Variants in PKHD1 observed in about 807,000 individuals in gnomAD.
The protein encoded by PKHD1 is PKHD1 ciliary IPT domain containing fibrocystin/polyductin.
In PKHD1, 291 loss-of-function variants were observed where a neutral mutation model predicts 412.0. That is an observed-to-expected ratio of 0.71 (90% confidence interval 0.64 to 0.78). The LOEUF is 0.78. PKHD1 is among the 30% of genes least tolerant of loss of function. PKHD1 has a pLI of 0.00. For synonymous variants in PKHD1, 1,777 were observed against 1,821.5 expected (o/e 0.98, Z 0.62); for missense variants, 4,825 against 4,950.7 (o/e 0.97, Z 0.76).
intron 53 of PKHD1, among the ~76,000 whole-genome samples, chr6:51,777,057 C>A (rs925069805): frequency 5.9e-5 from 9 of 151,938 alleles, no homozygotes; most frequent in Non-Finnish European, 1.2e-4. Flanking sequence ...AATTATATTC[C>A]AAATCAGACA....
intron 43 of PKHD1, among the ~76,000 whole-genome samples, chr6:51,899,392 A>T (rs1215695911): frequency 2.0e-5 from 3 of 152,172 alleles, no homozygotes; most frequent in African/African-American, 7.2e-5. Context: ...AATCCAGCAT[A>T]TAAACAGAGC....
chr6:51,860,986 T>C (rs1380204948), intron 48 of PKHD1, among the ~76,000 whole-genome samples: 1 of 152,062 alleles, frequency 6.6e-6, no homozygotes, highest in Non-Finnish European at 1.5e-5. Flanking sequence ...TAATTTTTTA[T>C]ATTTTTAGTA....
intron 50 of PKHD1, among the ~76,000 whole-genome samples, 195 bp downstream of exon 50, chr6:51,847,580 G>A (rs1022010880): frequency 3.9e-5 from 6 of 152,154 alleles, no homozygotes; most frequent in Non-Finnish European, 7.3e-5. Flanking sequence ...GAGGCTCTGT[G>A]TATGCTAGCT....
rs75693811 is a variant in PKHD1, at chr6:51,779,038, T to C, written c.8441-3117A>G. ...TTGTGTGTAAAATCTTCTGTACCCC[T>C]TGCTAAAGTAATTCTACTTCAAGAA... is the stretch of plus-strand genomic sequence containing the variant. On this transcript the variant is annotated intron_variant, in intron 53 of 66. Coordinates refer to ENST00000371117, the MANE Select transcript of PKHD1 (RefSeq NM_138694.4). Among the ~76,000 whole-genome samples, 475 of 152,268 alleles carry C rather than the reference T, an allele frequency of 3.1e-3. 1 individual carries two copies. Among genetic ancestry groups the C allele is most frequent in the Non-Finnish European group, 5.7e-3 (390 of 68,014 alleles).
Position 51,618,547 on chromosome 6 carries a change from C to A in PKHD1, c.*534G>T. 1 of 168,230 alleles carries A rather than the reference C, an allele frequency of 5.9e-6. No individual in the cohort carries two copies. The highest frequency in any genetic ancestry group is 1.5e-4 in the East Asian group (1 of 6,460). 10.4% of individuals were successfully genotyped at this position (168,230 alleles called of 1,614,324 possible). A position where few individuals can be genotyped will look rare whatever the true frequency, so the allele number is the denominator to read the frequency against. On this transcript the variant is annotated 3_prime_UTR_variant, in exon 67 of 67. Coordinates refer to ENST00000371117, the MANE Select transcript of PKHD1 (RefSeq NM_138694.4). The stretch of plus-strand genomic sequence containing the variant: ...GAAATAAAATCCACTTGTAAAAAGC[C>A]AGGAAGTTGCCTTGTGGTTGGAAGG...
At chr6:51,908,909 G>A (rs1469982907) in intron 40 of PKHD1, among the ~76,000 whole-genome samples, 1 of 152,118 alleles carries the variant, frequency 6.6e-6, no homozygotes, top group Non-Finnish European at 1.5e-5. Context: ...AAGCTAGTAA[G>A]TGGTAGAGAC....
chr6:51,981,535 T>G (rs1198342234), intron 35 of PKHD1, among the ~76,000 whole-genome samples: 1 of 151,448 alleles, frequency 6.6e-6, no homozygotes, highest in Non-Finnish European at 1.5e-5. Flanking sequence ...GCCGGGCTGG[T>G]CTCCAGCTCC....
At chr6:51,985,254 T>C (rs1796064293) in intron 35 of PKHD1, among the ~76,000 whole-genome samples, 1 of 152,254 alleles carries the variant, frequency 6.6e-6, no homozygotes, top group Non-Finnish European at 1.5e-5. Context: ...GCAGTATTGT[T>C]TGTAGAAATC....
At chr6:51,938,528 C>T (rs1787887567) in intron 36 of PKHD1, among the ~76,000 whole-genome samples, 1 of 134,268 alleles carries the variant, frequency 7.4e-6, no homozygotes, top group Non-Finnish European at 1.6e-5. Context: ...AACAACCCCC[C>T]TTTTTCCTTT....
At chr6:51,664,593 T>C (rs1773411694) in intron 60 of PKHD1, among the ~76,000 whole-genome samples, 1 of 152,222 alleles carries the variant, frequency 6.6e-6, no homozygotes, top group Non-Finnish European at 1.5e-5. Flanking sequence ...TCCTTGTGCA[T>C]GCAGTAAGAT....
chr6:51,959,836 A>G (rs369223911), intron 36 of PKHD1, 34 bp downstream of exon 36: 15 of 1,579,144 alleles, frequency 9.5e-6, no homozygotes, highest in Non-Finnish European at 1.3e-5. Context: ...ATAATCATAT[A>G]GAATAATATT....
At chr6:51,831,091 G>T (rs1021476673) in intron 51 of PKHD1, 102 bp from the exon 52 acceptor site, 13 of 802,600 alleles carry the variant, frequency 1.6e-5, no homozygotes, top group Non-Finnish European at 2.5e-5. Flanking sequence ...TCCCAAAGAA[G>T]CTGCCTATCA....
At chr6:51,791,978 C>T (rs1040353294) in intron 52 of PKHD1, among the ~76,000 whole-genome samples, 2 of 152,032 alleles carry the variant, frequency 1.3e-5, no homozygotes, top group Admixed American at 1.3e-4. Context: ...CCCTAAGTCC[C>T]ATTGTGTAAG....
chr6:51,990,751 C>T (rs1420179209), intron 35 of PKHD1, among the ~76,000 whole-genome samples: 1 of 152,026 alleles, frequency 6.6e-6, no homozygotes, highest in East Asian at 1.9e-4. Flanking sequence ...TCTCTACCCC[C>T]AAAATACCAT....
At chr6:51,792,806 G>A (rs1793961989) in intron 52 of PKHD1, among the ~76,000 whole-genome samples, 1 of 152,058 alleles carries the variant, frequency 6.6e-6, no homozygotes, top group African/African-American at 2.4e-5. Context: ...CTCCTCACTG[G>A]CTCCACCACT....
At chr6:51,832,079 T>C (rs571025403) in intron 51 of PKHD1, among the ~76,000 whole-genome samples, 1 of 152,228 alleles carries the variant, frequency 6.6e-6, no homozygotes, top group East Asian at 1.9e-4. Flanking sequence ...CTATTAGAAC[T>C]GCCCTTAAAA....
intron 39 of PKHD1, 137 bp from the exon 40 acceptor site, chr6:51,909,611 TTTTC>T (rs1782662244): frequency 1.4e-6 from 1 of 695,830 alleles, no homozygotes; most frequent in South Asian, 1.6e-5. Context: ...TTATTTCCCC[TTTTC>T]TTTGATTCTC....
intron 52 of PKHD1, among the ~76,000 whole-genome samples, chr6:51,824,552 G>T (rs1257327408): frequency 6.6e-6 from 1 of 152,082 alleles, no homozygotes; most frequent in Non-Finnish European, 1.5e-5. Flanking sequence ...AGTTTCCAAA[G>T]ATCCTTTCAT....
chr6:51,729,002 G>A (rs1782921822), intron 60 of PKHD1, among the ~76,000 whole-genome samples: 1 of 152,184 alleles, frequency 6.6e-6, no homozygotes, highest in East Asian at 1.9e-4. Flanking sequence ...TGTCTGTAAC[G>A]TGTTCAAACA....
Sources: gnomAD v4.1 joint callset for allele counts (sites outside exome capture counted in the v4.1 genomes callset) on GRCh38, gnomAD v4.1.1 for gene constraint, MANE v1.5 for transcripts, NCBI Gene and HGNC (gene_info 2026-07-23, HGNC 2026-07-21) for gene names.